Variants in RABGEF1 observed in about 807,000 individuals in gnomAD.
RABGEF1 encodes the protein rab5 GDP/GTP exchange factor.
A neutral mutation model predicts 57.3 loss-of-function variants in RABGEF1; 26 were observed. The observed-to-expected ratio is 0.45, with a 90% CI of 0.33 to 0.63. The LOEUF (loss-of-function observed/expected upper bound fraction) is 0.63. Ranked by LOEUF, RABGEF1 falls within the 20% of genes least tolerant of loss-of-function variation. RABGEF1 has a pLI of 0.02. For synonymous variants in RABGEF1, 185 were observed against 210.7 expected (o/e 0.88, Z 1.06); for missense variants, 464 against 607.6 (o/e 0.76, Z 2.48).
At chr7:66,804,737 T>TG (rs1380281715) in intron 7 of RABGEF1, among the ~76,000 whole-genome samples, 2 of 119,406 alleles carry the variant, frequency 1.7e-5, no homozygotes, top group Non-Finnish European at 3.5e-5. Flanking sequence ...AAACTCAGTC[T>TG]GAAAAAAAAA....
Position 66,727,746 on chromosome 7 carries a change from T to G in RABGEF1, c.-814-12250T>G, listed in dbSNP as rs555823494. Among the ~76,000 whole-genome samples the G allele has an allele frequency of 2.4e-4, 36 of 152,272 alleles. No individual in the cohort carries two copies. In the East Asian group the frequency reaches 7.0e-3, roughly 29 times the overall value. On this transcript the variant is annotated intron_variant and NMD_transcript_variant, in intron 2 of 9. Coordinates refer to the RABGEF1 transcript ENST00000607882. ...GTGGGCACACCTGGGGAACCGTGAG[T>G]GGCAGGCTGCCCGTGGATAATGGAA...
chr7:66,749,683 A>G, intron 1 of RABGEF1, among the ~76,000 whole-genome samples: 1 of 152,072 alleles, frequency 6.6e-6, no homozygotes, highest in East Asian at 1.9e-4. Context: ...CTAAAAACAA[A>G]CAAACAGGCC....
intron 6 of RABGEF1, among the ~76,000 whole-genome samples, chr7:66,798,130 G>C (rs1202018075): frequency 5.9e-5 from 9 of 152,064 alleles, no homozygotes; most frequent in African/African-American, 2.2e-4. Context: ...AAAATAACAA[G>C]TCAGTAGATG....
At chr7:66,741,349 C>T (rs1585074612) in intron 1 of RABGEF1, among the ~76,000 whole-genome samples, 1 of 152,212 alleles carries the variant, frequency 6.6e-6, no homozygotes, top group East Asian at 1.9e-4. Flanking sequence ...GTGGTCCTGA[C>T]TTCCACCCCG....
intron 1 of RABGEF1, among the ~76,000 whole-genome samples, chr7:66,758,609 G>A (rs775538050): frequency 3.9e-5 from 6 of 152,152 alleles, no homozygotes; most frequent in Admixed American, 6.5e-5. Context: ...TGAGTCTCAC[G>A]CAGCTGATCC....
chr7:66,789,080 T>C (rs923262315), intron 4 of RABGEF1, among the ~76,000 whole-genome samples: 21 of 152,238 alleles, frequency 1.4e-4, no homozygotes, highest in African/African-American at 5.1e-4. Flanking sequence ...TCCCATGTTC[T>C]TTCCCAGAAC....
chr7:66,795,483 A>T (rs1813809594), intron 4 of RABGEF1, 28 bp from the exon 5 acceptor site: 1 of 1,560,460 alleles, frequency 6.4e-7, no homozygotes, highest in African/African-American at 1.4e-5. Flanking sequence ...GTTCAGCTAC[A>T]AGCAGCCTCT....
At chr7:66,678,381 C>T (rs1365553056), upstream of RABGEF1, among the ~76,000 whole-genome samples, 1 of 151,548 alleles carries the variant, frequency 6.6e-6, no homozygotes, top group Non-Finnish European at 1.5e-5. Context: ...CTGGCTAACA[C>T]GGTGAAACCC....
At chr7:66,751,064 A>T (rs371196175) in intron 1 of RABGEF1, among the ~76,000 whole-genome samples, 18 of 142,708 alleles carry the variant, frequency 1.3e-4, no homozygotes, top group African/African-American at 4.2e-4. Context: ...AGTCTCTCAC[A>T]TTGTCGCCTA....
chr7:66,788,547 C>A (rs1811789286), intron 4 of RABGEF1, among the ~76,000 whole-genome samples: 1 of 152,088 alleles, frequency 6.6e-6, no homozygotes, highest in Non-Finnish European at 1.5e-5. Flanking sequence ...CTTAATACTC[C>A]ATTCATGGCA....
the RABGEF1 span, among the ~76,000 whole-genome samples, chr7:66,656,593 G>A: frequency 1.3e-5 from 2 of 152,000 alleles, no homozygotes; most frequent in African/African-American, 2.4e-5. Context: ...AGGCCGAGGC[G>A]GTCGGATCAT....
At chr7:66,805,907 G>A (rs1788334259) in intron 8 of RABGEF1, among the ~76,000 whole-genome samples, 1 of 150,962 alleles carries the variant, frequency 6.6e-6, no homozygotes, top group South Asian at 2.1e-4. Flanking sequence ...ATCACACCGG[G>A]CCAATTTTTT....
chr7:66,810,506 A>G lies in RABGEF1; in HGVS notation c.*1222A>G, dbSNP rs1395157065. On this transcript the variant is annotated 3_prime_UTR_variant, in exon 9 of 9. Coordinates refer to ENST00000284957, the MANE Select transcript of RABGEF1 (RefSeq NM_014504.3). ...CCAGGAGTTATCCTCCTGGTGGTTAATATGGTGTAACCAAAGAATCTTGCA... is the reference window on the plus strand; with the variant it reads ...CCAGGAGTTATCCTCCTGGTGGTTAGTATGGTGTAACCAAAGAATCTTGCA... 6.6e-6 allele frequency: 1 copy of G among 152,250 alleles called. No homozygotes were observed. The allele number at this position is 152,250 out of a possible 1,614,324, so 9.4% of individuals were successfully genotyped here.
At chr7:66,679,733 G>C (rs943963881), upstream of RABGEF1, among the ~76,000 whole-genome samples, 18 of 152,024 alleles carry the variant, frequency 1.2e-4, no homozygotes, top group Non-Finnish European at 2.2e-4. Flanking sequence ...TCAGCTTATT[G>C]AACGCTCATT....
intron 2 of RABGEF1, among the ~76,000 whole-genome samples, chr7:66,724,075 TAAGA>T (rs1158119913): frequency 6.6e-6 from 1 of 152,276 alleles, no homozygotes; most frequent in African/African-American, 2.4e-5. Context: ...ATTTGTTTCT[TAAGA>T]AATTTTTTTT....
At chr7:66,762,830 G>T (rs1432620299) in intron 1 of RABGEF1, among the ~76,000 whole-genome samples, 1 of 152,132 alleles carries the variant, frequency 6.6e-6, no homozygotes, top group Non-Finnish European at 1.5e-5. Context: ...ACAGAGGCTA[G>T]TGAAGGCCTC....
At chr7:66,766,296 C>T (rs1724823693) in intron 1 of RABGEF1, among the ~76,000 whole-genome samples, 1 of 148,490 alleles carries the variant, frequency 6.7e-6, no homozygotes, top group South Asian at 2.1e-4. Context: ...ATGACAGACC[C>T]TGTCTTCCAA....
At chr7:66,668,165 A>G in the RABGEF1 span, among the ~76,000 whole-genome samples, 2 of 151,996 alleles carry the variant, frequency 1.3e-5, no homozygotes, top group Non-Finnish European at 2.9e-5. Flanking sequence ...TGGTGCAAAT[A>G]TAGCTCACTG....
At chr7:66,739,657 CAAAAAAAA>C (rs10554809), upstream of RABGEF1, among the ~76,000 whole-genome samples, 494 of 80,398 alleles carry the variant, frequency 6.1e-3, 1 homozygote, top group African/African-American at 0.013. Context: ...GTGAGAGTCT[CAAAAAAAA>C]AAAAAAAAAA....
Sources: gnomAD v4.1 joint callset for allele counts (sites outside exome capture counted in the v4.1 genomes callset) on GRCh38, gnomAD v4.1.1 for gene constraint, MANE v1.5 for transcripts, NCBI Gene and HGNC (gene_info 2026-07-23, HGNC 2026-07-21) for gene names.